Variants in NELL1 observed in about 807,000 individuals in gnomAD.
NELL1 encodes the protein protein kinase C-binding protein NELL1.
In NELL1, 76 loss-of-function variants were observed where a neutral mutation model predicts 107.4. The ratio of observed to expected loss-of-function variants is 0.71; its 90% CI spans 0.59 to 0.86. The LOEUF (loss-of-function observed/expected upper bound fraction) is 0.86, where lower values mean the gene tolerates loss of function less well. Among genes scored for constraint, NELL1 ranks in the 40% least tolerant of loss-of-function variants. The probability of loss-of-function intolerance (pLI) is 0.00; values close to 1 mark genes in which losing one functional copy is unlikely to be tolerated. For missense variants in NELL1, 1,024 were observed against 1,005.5 expected (o/e 1.02, Z -0.25); for synonymous variants, 353 against 341.2 (o/e 1.03, Z -0.38).
intron 15 of NELL1, among the ~76,000 whole-genome samples, chr11:21,392,979 G>C (rs533684409): frequency 7.1e-6 from 1 of 140,436 alleles, no homozygotes; most frequent in Non-Finnish European, 1.6e-5. Context: ...TTCCACTAAA[G>C]ATAGTTAAGT....
At chr11:20,725,530 T>C (rs1239737410) in intron 2 of NELL1, among the ~76,000 whole-genome samples, 1 of 152,224 alleles carries the variant, frequency 6.6e-6, no homozygotes, top group Non-Finnish European at 1.5e-5. Flanking sequence ...GCTCTCTGGC[T>C]TGAAAGCAAA....
At chr11:20,845,572 C>T (rs1486183869) in intron 3 of NELL1, among the ~76,000 whole-genome samples, 1 of 152,040 alleles carries the variant, frequency 6.6e-6, no homozygotes, top group Non-Finnish European at 1.5e-5. Context: ...AATATAAGCT[C>T]GTGGTGCATT....
intron 13 of NELL1, among the ~76,000 whole-genome samples, chr11:21,126,517 T>G (rs1228048932): frequency 6.6e-6 from 1 of 152,208 alleles, no homozygotes; most frequent in Non-Finnish European, 1.5e-5. Flanking sequence ...GCAGATTCTT[T>G]AAGTGCTCCA....
intron 16 of NELL1, among the ~76,000 whole-genome samples, chr11:21,539,314 C>T (rs1468685477): frequency 6.6e-6 from 1 of 152,060 alleles, no homozygotes; most frequent in Non-Finnish European, 1.5e-5. Context: ...GTGTGTTACA[C>T]TATGTTCTGT....
chr11:21,041,309 G>C (rs10833434), intron 12 of NELL1, among the ~76,000 whole-genome samples: 3 of 152,028 alleles, frequency 2.0e-5, no homozygotes, highest in African/African-American at 7.2e-5. Context: ...ACACAACATA[G>C]TTAATTGTTA....
chr11:20,669,621 C>T lies in NELL1; in HGVS notation c.-103C>T, dbSNP rs2133839597. On this transcript the variant is annotated 5_prime_UTR_variant, in exon 1 of 20. Transcript: ENST00000357134. This position sits in a 1 kb window ranked among gnomAD's most constrained non-coding sequence, Gnocchi z 4.4. ...GCCGAGCCACCTCCCCCGCCGCCCG[C>T]TAGCAAGTTTGGCGGCTCCAAGCCA... is the stretch of plus-strand genomic sequence containing the variant. 2 of 1,000,012 alleles carry T rather than the reference C, an allele frequency of 2.0e-6. No homozygotes were observed. Among genetic ancestry groups the T allele is most frequent in the Non-Finnish European group, 3.1e-6 (2 of 650,672 alleles). 61.9% of individuals were successfully genotyped at this position (1,000,012 alleles called of 1,614,324 possible). A position where few individuals can be genotyped will look rare whatever the true frequency, so the allele number is the denominator to read the frequency against.
chr11:21,264,999 T>C (rs1848608689), intron 14 of NELL1, among the ~76,000 whole-genome samples: 1 of 151,960 alleles, frequency 6.6e-6, no homozygotes, highest in African/African-American at 2.4e-5. Context: ...AGTAAAGGCC[T>C]TAGGTAATAG....
intron 15 of NELL1, among the ~76,000 whole-genome samples, chr11:21,484,205 T>A (rs1268124219): frequency 6.6e-6 from 1 of 151,164 alleles, no homozygotes; most frequent in African/African-American, 2.4e-5. Flanking sequence ...TATTGCTGTT[T>A]TTCCTAAAAC....
In NELL1 at chr11:21,170,907, T is replaced by C. The variant is rs1856593668; in HGVS notation, c.1426+57193T>C. Among the ~76,000 whole-genome samples, 4 of 151,746 alleles carry C rather than the reference T, an allele frequency of 2.6e-5. No homozygotes were observed. In the South Asian group the frequency reaches 8.3e-4, roughly 31 times the overall value. ...TTACTAACATGTTATCTATCATTTG[T>C]AGATCTGATCATTATAAAATAGGTA... On this transcript the variant is annotated intron_variant, in intron 13 of 19. Coordinates refer to ENST00000357134, the MANE Select transcript of NELL1 (RefSeq NM_006157.5).
At chr11:20,718,418 C>T (rs1292544993) in intron 2 of NELL1, among the ~76,000 whole-genome samples, 1 of 151,836 alleles carries the variant, frequency 6.6e-6, no homozygotes, top group African/African-American at 2.4e-5. Context: ...GAGAAACCAA[C>T]AAGCAGATAG....
chr11:21,313,523 C>T (rs149062927), intron 14 of NELL1, among the ~76,000 whole-genome samples: 68 of 152,290 alleles, frequency 4.5e-4, no homozygotes, highest in African/African-American at 1.6e-3. Context: ...CCCACTGTCA[C>T]CTACTGTCTT....
chr11:21,285,198 A>G (rs1849088687), intron 14 of NELL1, among the ~76,000 whole-genome samples: 1 of 152,206 alleles, frequency 6.6e-6, no homozygotes, highest in Non-Finnish European at 1.5e-5. Context: ...ATCTAAATGA[A>G]TTGAGGACAT....
chr11:20,717,398 A>G (rs533346931), intron 2 of NELL1, among the ~76,000 whole-genome samples: 1 of 152,224 alleles, frequency 6.6e-6, no homozygotes, highest in East Asian at 1.9e-4. Context: ...TCCCTGACTC[A>G]TGCCACCATT....
intron 12 of NELL1, among the ~76,000 whole-genome samples, chr11:21,045,881 T>G (rs915147746): frequency 6.6e-6 from 1 of 152,202 alleles, no homozygotes; most frequent in African/African-American, 2.4e-5. Flanking sequence ...TAGGTAAAGT[T>G]TTATAATCCC....
chr11:21,392,994 A>T (rs1040953057), intron 15 of NELL1, among the ~76,000 whole-genome samples: 4 of 149,320 alleles, frequency 2.7e-5, no homozygotes, highest in South Asian at 2.1e-4. Context: ...TTAAGTCAGA[A>T]TTTTTTTTTT....
At chr11:21,379,070 T>C (rs924872848) in intron 15 of NELL1, among the ~76,000 whole-genome samples, 22 of 152,082 alleles carry the variant, frequency 1.4e-4, no homozygotes, top group African/African-American at 5.3e-4. Context: ...TCAGTTTTTT[T>C]GGTAGGAAAT....
At chr11:20,785,754 C>A (rs1007384170) in intron 3 of NELL1, among the ~76,000 whole-genome samples, 6 of 152,124 alleles carry the variant, frequency 3.9e-5, no homozygotes, top group African/African-American at 1.4e-4. Context: ...GTGTAATAAT[C>A]TATTTTCCCG....
At chr11:20,791,186 A>G (rs888003087) in intron 3 of NELL1, among the ~76,000 whole-genome samples, 1 of 152,174 alleles carries the variant, frequency 6.6e-6, no homozygotes, top group African/African-American at 2.4e-5. Context: ...CCATCAAAAC[A>G]ATGTCAAATA....
At chr11:21,402,632 T>C (rs1852124866) in intron 15 of NELL1, among the ~76,000 whole-genome samples, 1 of 146,818 alleles carries the variant, frequency 6.8e-6, no homozygotes, top group South Asian at 2.2e-4. Flanking sequence ...GGTAGAAATC[T>C]AGATCCTTTT....
Sources: allele counts gnomAD v4.1 joint callset (sites outside exome capture counted in the v4.1 genomes callset), GRCh38; gene constraint gnomAD v4.1.1; non-coding constraint Gnocchi (gnomAD v3.1); transcripts MANE v1.5; gene names NCBI Gene and HGNC (gene_info 2026-07-23, HGNC 2026-07-21).